The following NLRC4 variants were observed in gnomAD, a reference collection of about 807,000 sequenced individuals.
The protein encoded by NLRC4 is NLR family CARD domain containing 4, also known as NLR family CARD domain-containing protein 4.
A neutral mutation model predicts 79.9 loss-of-function variants in NLRC4; 63 were observed. The ratio of observed to expected loss-of-function variants is 0.79; its 90% CI spans 0.64 to 0.97. The LOEUF (loss-of-function observed/expected upper bound fraction) is 0.97, where lower values mean the gene tolerates loss of function less well. Ranked by LOEUF, NLRC4 falls within the 50% of genes least tolerant of loss-of-function variation. The pLI is 0.00. For synonymous variants in NLRC4, 461 were observed against 456.5 expected (o/e 1.01, Z -0.12); for missense variants, 1,074 against 1,215.2 (o/e 0.88, Z 1.73).
intron 4 of NLRC4, among the ~76,000 whole-genome samples, chr2:32,245,290 G>A (rs956766268): frequency 8.4e-5 from 11 of 130,362 alleles, no homozygotes; most frequent in Non-Finnish European, 1.4e-4. Flanking sequence ...CAGCCTGGGC[G>A]ACAGAGTGAG....
intron 2 of NLRC4, among the ~76,000 whole-genome samples, chr2:32,254,352 T>G (rs893389552): frequency 1.3e-4 from 20 of 151,670 alleles, no homozygotes; most frequent in Non-Finnish European, 2.2e-4. Flanking sequence ...ACATTGTATC[T>G]CCACAGACTT....
intron 1 of NLRC4, among the ~76,000 whole-genome samples, chr2:32,263,521 A>G (rs936843099): frequency 6.6e-6 from 1 of 152,214 alleles, no homozygotes; most frequent in African/African-American, 2.4e-5. Context: ...CCCCAAATCC[A>G]TATGTTGAAG....
At chr2:32,261,316 C>CCCTTTTTTT in intron 1 of NLRC4, among the ~76,000 whole-genome samples, 18 of 96,916 alleles carry the variant, frequency 1.9e-4, no homozygotes, top group South Asian at 3.1e-4. Flanking sequence ...AGCCTCCCCC[C>CCCTTTTTTT]TTTTGTTTTT....
chr2:32,245,334 C>T (rs1251629817), intron 4 of NLRC4, among the ~76,000 whole-genome samples: 1 of 92,734 alleles, frequency 1.1e-5, no homozygotes, highest in African/African-American at 4.3e-5. Context: ...AAAAAAAAAA[C>T]AGATGAATAG....
At chr2:32,239,523 T>A (rs1686748338) in intron 5 of NLRC4, among the ~76,000 whole-genome samples, 1 of 152,316 alleles carries the variant, frequency 6.6e-6, no homozygotes, top group Admixed American at 6.5e-5. Flanking sequence ...GGCAAGTTAT[T>A]CAATCTTTTA....
chr2:32,226,625 A>G (rs1020378543), intron 8 of NLRC4, among the ~76,000 whole-genome samples: 5 of 152,186 alleles, frequency 3.3e-5, no homozygotes, highest in African/African-American at 1.2e-4. Context: ...TCATGCCTAT[A>G]ATCCCAGCAC....
intron 6 of NLRC4, among the ~76,000 whole-genome samples, 161 bp from the exon 7 acceptor site, chr2:32,236,500 A>G (rs1184267710): frequency 6.6e-6 from 1 of 152,240 alleles, no homozygotes; most frequent in African/African-American, 2.4e-5. Flanking sequence ...GCTCTGGTGT[A>G]GGTGTAACCC....
intron 1 of NLRC4, among the ~76,000 whole-genome samples, chr2:32,260,126 G>A (rs907961596): frequency 7.3e-5 from 11 of 150,300 alleles, no homozygotes; most frequent in Middle Eastern, 3.5e-3. Context: ...CTACTTGGGA[G>A]GCTGAGGCAG....
chr2:32,261,316 C>CCCCTTTTTTTTTTTT, intron 1 of NLRC4, among the ~76,000 whole-genome samples: 27 of 96,918 alleles, frequency 2.8e-4, no homozygotes, highest in Non-Finnish European at 5.2e-4. Context: ...AGCCTCCCCC[C>CCCCTTTTTTTTTTTT]TTTTGTTTTT....
At position 32,250,088 on chromosome 2, in the gene NLRC4, G is replaced by C. The variant is rs186059604; in HGVS notation, c.1776C>G (p.Pro592=). The part of the protein sequence containing the change: ...KSLYINSGNI[P]DYLFDFFEHL... The stretch of plus-strand genomic sequence containing the variant: ...GTTCAAAGAAGTCAAATAAGTAATC[G>C]GGGATGTTCCCTGAGTTGATATATA... Residue 592 remains proline (P), a synonymous_variant, in exon 4 of 9, where the codon CCC becomes CCG. Coordinates refer to ENST00000402280, the MANE Select transcript of NLRC4 (RefSeq NM_001199138.2). The surrounding 1 kb of genome is among the most constrained non-coding windows in gnomAD (Gnocchi z 4.9). 2 of 1,614,182 alleles carry C rather than the reference G, an allele frequency of 1.2e-6. No individual in the cohort carries two copies. Among genetic ancestry groups the C allele is most frequent in the East Asian group, 4.5e-5 (2 of 44,892 alleles).
At chr2:32,229,570 G>T (rs922687166) in intron 8 of NLRC4, among the ~76,000 whole-genome samples, 3 of 152,110 alleles carry the variant, frequency 2.0e-5, no homozygotes, top group African/African-American at 7.2e-5. Flanking sequence ...CAAAATTTTG[G>T]GAGTCAAGCA....
intron 8 of NLRC4, among the ~76,000 whole-genome samples, chr2:32,233,360 T>A (rs1237795573): frequency 2.4e-3 from 333 of 139,138 alleles, no homozygotes; most frequent in Non-Finnish European, 3.3e-3. Context: ...TTTTTTTTTT[T>A]TTTTTTTTAA....
chr2:32,250,160 T>C lies in NLRC4; in HGVS notation c.1704A>G (p.Lys568=). 1 of 1,614,228 alleles carries C rather than the reference T, an allele frequency of 6.2e-7. No individual in the cohort carries two copies. Among genetic ancestry groups the C allele is most frequent in the Non-Finnish European group, 8.5e-7 (1 of 1,180,034 alleles). ...GIHLYQESTS[K]SALSQEFEAF... is the part of the protein sequence containing the mutation. ...CTTCAAATTCTTGGCTCAGGGCTGA[T>C]TTGGATGTACTCTCTTGATATAAAT... Residue 568 remains lysine, a synonymous_variant, in exon 4 of 9, where the codon AAA becomes AAG. Transcript: ENST00000402280. The surrounding 1 kb of genome is among the most constrained non-coding windows in gnomAD (Gnocchi z 4.9).
At chr2:32,253,559 T>C (rs1045730968) in intron 2 of NLRC4, among the ~76,000 whole-genome samples, 8 of 152,048 alleles carry the variant, frequency 5.3e-5, no homozygotes, top group African/African-American at 1.9e-4. Flanking sequence ...CCCAGTGAGG[T>C]TGTAGTTGTA....
intron 5 of NLRC4, among the ~76,000 whole-genome samples, chr2:32,239,044 G>A (rs1308254702): frequency 6.6e-6 from 1 of 152,140 alleles, no homozygotes; most frequent in Non-Finnish European, 1.5e-5. Flanking sequence ...ACTATGGGAG[G>A]CAGTGATAGG....
Position 32,234,975 on chromosome 2 carries a change from A to G in NLRC4, c.2782+426T>C, listed in dbSNP as rs140764058. On this transcript the variant is annotated intron_variant, in intron 8 of 8. Transcript: ENST00000402280. ...TGTCTTCAGTCATTTATATAGATCT[A>G]TTTGTTTCTGGATAATATTACAGCT... 9.3e-3 allele frequency among the ~76,000 whole-genome samples: 1,420 copies of G among 152,266 alleles called. 21 individuals carry two copies. The highest frequency in any genetic ancestry group is 0.033 in the African/African-American group (1,359 of 41,550).
rs976710693 is a variant in NLRC4, at chr2:32,250,455, C to T, written c.1409G>A (p.Gly470Glu). 5 of 1,614,074 alleles carry T rather than the reference C, an allele frequency of 3.1e-6. No homozygotes were observed. The highest frequency in any genetic ancestry group is 4.2e-6 in the Non-Finnish European group (5 of 1,180,046). The change falls in exon 4 of 9, where the codon GGG becomes GAG. Residue 470 changes from glycine (G) to glutamate (E), a missense_variant. Physicochemically the swap from Gly to Glu is moderately conservative, Grantham distance 98 (BLOSUM62 -2). Transcript: ENST00000402280. The surrounding 1 kb of genome is among the most constrained non-coding windows in gnomAD (Gnocchi z 4.9). Reference protein sequence around the residue: ...TSHEPEEVTKGNGYLQKMVSI... With the variant: ...TSHEPEEVTKENGYLQKMVSI... ...AACCATTTTCTGCAAGTAACCATTC[C>T]CCTTGGTCACCTCCTCTGGCTCATG...
Position 32,235,395 on chromosome 2 carries a change from A to T in NLRC4, c.2782+6T>A. Reference sequence around the variant, plus strand: ...AGTTATCTTGGCTCTGTATGTGTGTACCTACCTAAAATTCTAATCTCTGTA... The same window carrying T: ...AGTTATCTTGGCTCTGTATGTGTGTTCCTACCTAAAATTCTAATCTCTGTA... On this transcript the variant is annotated splice_donor_region_variant and intron_variant, in intron 8 of 8. Coordinates refer to ENST00000402280, the MANE Select transcript of NLRC4 (RefSeq NM_001199138.2). The T allele has an allele frequency of 6.2e-7, 1 of 1,611,476 alleles. No homozygotes were observed. Among genetic ancestry groups the T allele is most frequent in the Non-Finnish European group, 8.5e-7 (1 of 1,177,582 alleles).
intron 8 of NLRC4, among the ~76,000 whole-genome samples, chr2:32,228,182 G>C (rs1037607666): frequency 3.9e-5 from 6 of 152,180 alleles, no homozygotes; most frequent in Non-Finnish European, 7.3e-5. Context: ...TAGATGGGTG[G>C]TGGGTGCTAT....
Sources: gnomAD v4.1 joint callset for allele counts (sites outside exome capture counted in the v4.1 genomes callset) on GRCh38, gnomAD v4.1.1 for gene constraint, Gnocchi (gnomAD v3.1) non-coding constraint, MANE v1.5 for transcripts, NCBI Gene and HGNC (gene_info 2026-07-23, HGNC 2026-07-21) for gene names.